Variants in CHST15 observed in about 807,000 individuals in gnomAD.
The protein encoded by CHST15 is B cell RAG associated protein (GALNAC4S-6ST).
CHST15 carries 30 observed loss-of-function variants against 53.6 expected under a neutral mutation model. The ratio of observed to expected loss-of-function variants is 0.56; its 90% CI spans 0.42 to 0.76. CHST15 has a LOEUF of 0.76. Ranked by LOEUF, CHST15 falls within the 30% of genes least tolerant of loss-of-function variation. The probability of loss-of-function intolerance (pLI) is 0.00; values close to 1 mark genes in which losing one functional copy is unlikely to be tolerated. For missense variants in CHST15, 627 were observed against 740.5 expected, an observed-to-expected ratio of 0.85 and a Z score of 1.78; for synonymous variants, 296 against 289.8, an observed-to-expected ratio of 1.02 and a Z score of -0.22.
rs1284085908 is a variant in CHST15 at position 124,045,807 on chromosome 10, G to A, written c.406C>T (p.His136Tyr). ...GAAATATTATTTACAGAGGATTGGT[G>A]GTGATGCTCCTTTGTGTCACTTGGG... ...ENPSDTKEHH[H>Y]QSSVNNISYM... The change falls in exon 2 of 8, where the codon CAC (histidine) becomes TAC (tyrosine). Residue 136 changes from histidine to tyrosine, a missense_variant. This residue lies in a region of CHST15 where 187 missense variants were observed against 251.8 expected (regional missense o/e 0.74). Coordinates refer to ENST00000435907, the MANE Select transcript of CHST15 (RefSeq NM_001270764.2). 5.6e-6 allele frequency: 9 copies of A among 1,614,068 alleles called. No homozygotes were observed. Among genetic ancestry groups the A allele is most frequent in the Non-Finnish European group, 7.6e-6 (9 of 1,180,022 alleles).
chr10:124,092,750 A>G (rs763067394), intron 1 of CHST15, among the ~76,000 whole-genome samples: 1 of 152,184 alleles, frequency 6.6e-6, no homozygotes, highest in African/African-American at 2.4e-5. Flanking sequence ...AAAGTGCGAT[A>G]GGGGTGTGGG....
chr10:124,012,349 G>A lies in CHST15; in HGVS notation c.1479C>T (p.Phe493=), dbSNP rs902910181. ...SNVKYTMHKV[F]QFLNLGPLSE... Reference sequence around the variant, plus strand: ...CACTCATACCTAGGTTCAGAAACTGGAAGACCTTGTGCATGGTGTACTTGA... The same window carrying A: ...CACTCATACCTAGGTTCAGAAACTGAAAGACCTTGTGCATGGTGTACTTGA... Residue 493 remains phenylalanine, a synonymous_variant, in exon 7 of 8, where the codon TTC becomes TTT. Coordinates refer to ENST00000435907, the MANE Select transcript of CHST15 (RefSeq NM_001270764.2). 3 of 1,613,872 alleles carry A rather than the reference G, an allele frequency of 1.9e-6. No individual in the cohort carries two copies. In the African/African-American group the frequency reaches 4.0e-5, roughly 22 times the overall value.
chr10:124,041,612 T>C (rs1223556017), intron 4 of CHST15, among the ~76,000 whole-genome samples: 3 of 152,224 alleles, frequency 2.0e-5, no homozygotes, highest in East Asian at 1.9e-4. Context: ...ACTGTAGCAA[T>C]CATTTCACTG....
chr10:124,020,943 C>CG, intron 6 of CHST15: 5 of 1,393,276 alleles, frequency 3.6e-6, no homozygotes, highest in Admixed American at 6.6e-5. Flanking sequence ...TGGGTGTCCT[C>CG]ATGTCTGCCG....
intron 1 of CHST15, among the ~76,000 whole-genome samples, chr10:124,066,550 G>C (rs777837155): frequency 6.6e-6 from 1 of 151,282 alleles, no homozygotes; most frequent in Non-Finnish European, 1.5e-5. Flanking sequence ...TTCCCCTTTG[G>C]ATGACAACAC....
rs1305758399 is a variant in CHST15, at chr10:124,036,245, C to T, written c.1190+2270G>A. Among the ~76,000 whole-genome samples the T allele has an allele frequency of 1.3e-5, 2 of 152,282 alleles. No homozygotes were observed. The highest frequency in any genetic ancestry group is 6.5e-5 in the Admixed American group (1 of 15,298). On this transcript the variant is annotated intron_variant, in intron 5 of 7. Transcript: ENST00000435907. This position sits in a 1 kb window ranked among gnomAD's most constrained non-coding sequence, Gnocchi z 5.1. ...TGAGAGCTCGGCTAGTGTGCGTCAG[C>T]CCTGCTGGATGGAGGGAGACCACTC... is the stretch of plus-strand genomic sequence containing the variant.
rs28631417 is a variant in CHST15, at chr10:124,074,152, C to G, written c.-513+19317G>C. Among the ~76,000 whole-genome samples the G allele has an allele frequency of 4.6e-5, 7 of 152,342 alleles. No individual in the cohort carries two copies. Among genetic ancestry groups the G allele is most frequent in the Admixed American group, 3.9e-4 (6 of 15,310 alleles). Reference sequence around the variant, plus strand: ...AGCTCAAGTCACGCCTGCTGCACCCCCAGGGAAGGTAGCTTGCTCTCCCTC... The same window carrying G: ...AGCTCAAGTCACGCCTGCTGCACCCGCAGGGAAGGTAGCTTGCTCTCCCTC... On this transcript the variant is annotated intron_variant, in intron 1 of 7. Transcript: ENST00000435907. The surrounding 1 kb of genome is among the most constrained non-coding windows in gnomAD (Gnocchi z 4.4).
chr10:124,075,722 CCT>C (rs1949055681), intron 1 of CHST15, among the ~76,000 whole-genome samples: 1 of 152,158 alleles, frequency 6.6e-6, no homozygotes, highest in African/African-American at 2.4e-5. Context: ...TAGAACCTCC[CCT>C]GTCTTTGGCA....
At position 124,010,554 on chromosome 10, in the gene CHST15, G is replaced by C. The variant is rs184725376; in HGVS notation, c.1496-215C>G. Reference sequence around the variant, plus strand: ...GAAATTGCGAAGAAATTCTGCGGCGGGTGCAGGATGCCCACCCTCGGGGGA... The same window carrying C: ...GAAATTGCGAAGAAATTCTGCGGCGCGTGCAGGATGCCCACCCTCGGGGGA... On this transcript the variant is annotated intron_variant, in intron 7 of 7. Coordinates refer to ENST00000435907, the MANE Select transcript of CHST15 (RefSeq NM_001270764.2). 1.8e-4 allele frequency: 177 copies of C among 985,454 alleles called. No homozygotes were observed. In the African/African-American group the frequency reaches 2.9e-3, roughly 16 times the overall value. 61.0% of individuals were successfully genotyped at this position (985,454 alleles called of 1,614,324 possible). A position where few individuals can be genotyped will look rare whatever the true frequency, so the allele number is the denominator to read the frequency against.
rs1564882171 is a variant in CHST15, at chr10:124,045,129, A to ACAAAC, written c.547-211_547-210insGTTTG. ...CCGCCCCACAAAAAAAAAAAAAAAA[A>ACAAAC]AAAAAAAAAAAAAAACTTGGAGAGA... On this transcript the variant is annotated intron_variant, in intron 2 of 7. Transcript: ENST00000435907. 1.3e-5 allele frequency among the ~76,000 whole-genome samples: 2 copies of ACAAAC among 148,184 alleles called. 1 individual carries two copies. Among genetic ancestry groups the ACAAAC allele is most frequent in the South Asian group, 4.2e-4 (2 of 4,720 alleles).
intron 1 of CHST15, among the ~76,000 whole-genome samples, chr10:124,059,815 G>A (rs74698417): frequency 0.013 from 2,003 of 152,270 alleles, 47 homozygotes; most frequent in East Asian, 0.095. Flanking sequence ...AGCAAAATAA[G>A]AATCTGGTTA....
chr10:124,042,123 T>C (rs757180621), intron 4 of CHST15, among the ~76,000 whole-genome samples, 178 bp downstream of exon 4: 2 of 152,240 alleles, frequency 1.3e-5, no homozygotes, highest in Non-Finnish European at 2.9e-5. Context: ...GTTCAAGTGA[T>C]GTGAACATTT....
Position 124,038,083 on chromosome 10 carries a change from G to A in CHST15, c.1190+432C>T, listed in dbSNP as rs891830150. 4.7e-4 allele frequency among the ~76,000 whole-genome samples: 71 copies of A among 151,412 alleles called. 1 individual carries two copies. Among genetic ancestry groups the A allele is most frequent in the Admixed American group, 1.3e-4 (2 of 15,152 alleles). On this transcript the variant is annotated intron_variant, in intron 5 of 7. Coordinates refer to ENST00000435907, the MANE Select transcript of CHST15 (RefSeq NM_001270764.2). ...AAACAGCAGTAACGTTGCAAGTTCCGTTTATTTTTGTTTGTTTTTATTTTA... is the reference window on the plus strand; with the variant it reads ...AAACAGCAGTAACGTTGCAAGTTCCATTTATTTTTGTTTGTTTTTATTTTA...
At position 124,009,078 on chromosome 10, in the gene CHST15, G is replaced by T; in HGVS notation, c.*1071C>A. On this transcript the variant is annotated 3_prime_UTR_variant, in exon 8 of 8. Coordinates refer to ENST00000435907, the MANE Select transcript of CHST15 (RefSeq NM_001270764.2). Reference sequence around the variant, plus strand: ...GCTGGGTGAGGAACTTTGACCACACGCAGTGGAGAATGTGGAAATAAACTA... The same window carrying T: ...GCTGGGTGAGGAACTTTGACCACACTCAGTGGAGAATGTGGAAATAAACTA... 2 of 1,278,088 alleles carry T rather than the reference G, an allele frequency of 1.6e-6. No homozygotes were observed. The highest frequency in any genetic ancestry group is 1.0e-6 in the Non-Finnish European group (1 of 979,548). The allele number at this position is 1,278,088 out of a possible 1,614,324, so 79.2% of individuals were successfully genotyped here.
intron 1 of CHST15, among the ~76,000 whole-genome samples, chr10:124,071,853 A>G (rs1165360490): frequency 1.3e-5 from 2 of 152,242 alleles, no homozygotes; most frequent in East Asian, 3.8e-4. Context: ...AATGAGATGT[A>G]AAATTTCCAT....
intron 1 of CHST15, among the ~76,000 whole-genome samples, chr10:124,084,973 G>A (rs868552518): frequency 5.9e-5 from 9 of 152,280 alleles, no homozygotes; most frequent in Admixed American, 2.0e-4. Flanking sequence ...ACAAGCCCTC[G>A]GCCCACACTC....
In CHST15 at chr10:124,016,664, T is replaced by C. The variant is rs144883055; in HGVS notation, c.1348-4184A>G. Reference sequence around the variant, plus strand: ...ACGCCAGCAGACCCAGGATTGAACCTTGAGCCTGCCTGATACCAGCTATGG... The same window carrying C: ...ACGCCAGCAGACCCAGGATTGAACCCTGAGCCTGCCTGATACCAGCTATGG... On this transcript the variant is annotated intron_variant, in intron 6 of 7. Coordinates refer to ENST00000435907, the MANE Select transcript of CHST15 (RefSeq NM_001270764.2). 3.3e-5 allele frequency among the ~76,000 whole-genome samples: 5 copies of C among 152,298 alleles called. No homozygotes were observed. The East Asian group carries it at 9.7e-4, about 29-fold the overall frequency.
At chr10:124,085,803 G>A (rs1225598147) in intron 1 of CHST15, among the ~76,000 whole-genome samples, 3 of 152,202 alleles carry the variant, frequency 2.0e-5, no homozygotes, top group East Asian at 1.9e-4. Context: ...GGGAGGTACG[G>A]GGAGCAGATA....
Position 124,044,755 on chromosome 10 carries a change from C to G in CHST15, c.711G>C (p.Trp237Cys), listed in dbSNP as rs1399527278. 6.2e-7 allele frequency: 1 copy of G among 1,612,832 alleles called. No homozygotes were observed. The highest frequency in any genetic ancestry group is 1.1e-5 in the South Asian group (1 of 90,920). ...STFDALRKAF[W>C]GHLAHAHGKH... ...TCCCGTGCGCGTGCGCCAGGTGGCC[C>G]CAGAAGGCCTTGCGCAGGGCGTCGA... The change falls in exon 3 of 8, where the codon TGG (tryptophan) becomes TGC (cysteine). Residue 237 changes from tryptophan to cysteine, a missense_variant. Physicochemically the swap from Trp to Cys is radical, Grantham distance 215. This residue lies in a region of CHST15 where 161 missense variants were observed against 117.2 expected (regional missense o/e 1.37). Coordinates refer to ENST00000435907, the MANE Select transcript of CHST15 (RefSeq NM_001270764.2).
Sources: allele counts gnomAD v4.1 joint callset (sites outside exome capture counted in the v4.1 genomes callset), GRCh38; gene constraint gnomAD v4.1.1; regional missense constraint gnomAD v4.1.1; non-coding constraint Gnocchi (gnomAD v3.1); transcripts MANE v1.5; gene names NCBI Gene and HGNC (gene_info 2026-07-23, HGNC 2026-07-21).